Variants in GRHL2 observed in about 807,000 individuals in gnomAD.
GRHL2 encodes grainyhead-like protein 2 homolog.
Under a neutral mutation model 83.8 loss-of-function variants are expected in GRHL2, and 21 were observed. The ratio of observed to expected loss-of-function variants is 0.25; its 90% confidence interval spans 0.18 to 0.36. The LOEUF (loss-of-function observed/expected upper bound fraction) is 0.36, where lower values mean the gene tolerates loss of function less well. GRHL2 is among the 10% of genes least tolerant of loss of function. The probability of loss-of-function intolerance (pLI) is 1.00; values close to 1 mark genes in which losing one functional copy is unlikely to be tolerated. For missense variants in GRHL2, 623 were observed against 781.8 expected (o/e 0.80, Z 2.42); for synonymous variants, 280 against 278.9 (o/e 1.00, Z -0.04).
At chr8:101,556,221 T>C (rs1221855859) in intron 3 of GRHL2, among the ~76,000 whole-genome samples, 2 of 152,150 alleles carry the variant, frequency 1.3e-5, no homozygotes, top group African/African-American at 4.8e-5. Context: ...CCTCCCAAAG[T>C]GCTGGGATTA....
At chr8:101,531,828 G>A (rs1810935545) in intron 1 of GRHL2, among the ~76,000 whole-genome samples, 1 of 152,154 alleles carries the variant, frequency 6.6e-6, no homozygotes, top group South Asian at 2.1e-4. Context: ...GTGGGGGAGA[G>A]AGAGAGAGAG....
At chr8:101,584,815 GTGGTCAGGTGGCTAGC>G (rs1381444865) in intron 7 of GRHL2, among the ~76,000 whole-genome samples, 27 of 151,944 alleles carry the variant, frequency 1.8e-4, no homozygotes, top group Admixed American at 3.3e-4. Context: ...AGGTGGCTAG[GTGGTCAGGTGGCTAGC>G]TGGTCAGGTG....
intron 4 of GRHL2, among the ~76,000 whole-genome samples, chr8:101,567,850 C>T (rs548685236): frequency 1.3e-5 from 2 of 151,508 alleles, no homozygotes; most frequent in Non-Finnish European, 2.9e-5. Flanking sequence ...TATCCTCAGG[C>T]TGCAGAAATC....
At chr8:101,678,056 C>T in the GRHL2 span, among the ~76,000 whole-genome samples, 4 of 152,116 alleles carry the variant, frequency 2.6e-5, no homozygotes, top group African/African-American at 7.2e-5. Context: ...AGCACACTTC[C>T]GGCGAAGACA....
chr8:101,628,064 A>G (rs1429297203), intron 9 of GRHL2, among the ~76,000 whole-genome samples: 1 of 152,302 alleles, frequency 6.6e-6, no homozygotes, highest in East Asian at 1.9e-4. Flanking sequence ...TATGCAGAAG[A>G]TGTAACTAAG....
chr8:101,675,888 C>A, the GRHL2 span, among the ~76,000 whole-genome samples: 1 of 152,094 alleles, frequency 6.6e-6, no homozygotes, highest in Non-Finnish European at 1.5e-5. Context: ...CAGAACAGAG[C>A]CCTCAGAAAT....
chr8:101,556,886 T>G (rs1358523765), intron 3 of GRHL2, among the ~76,000 whole-genome samples: 1 of 152,218 alleles, frequency 6.6e-6, no homozygotes, highest in Non-Finnish European at 1.5e-5. Context: ...GTCCTCCTCC[T>G]GCTTTTTTCT....
At chr8:101,674,222 G>T (rs999480560), downstream of GRHL2, among the ~76,000 whole-genome samples, 1 of 152,030 alleles carries the variant, frequency 6.6e-6, no homozygotes, top group African/African-American at 2.4e-5. Context: ...CAGAACTGAA[G>T]GAAATAGAGA....
the GRHL2 span, among the ~76,000 whole-genome samples, chr8:101,677,030 G>C: frequency 6.6e-6 from 1 of 151,860 alleles, no homozygotes; most frequent in Non-Finnish European, 1.5e-5. Flanking sequence ...ATGGACACAG[G>C]AAGGGGAATA....
chr8:101,566,585 ATAATAT>A (rs1811722372), intron 4 of GRHL2, among the ~76,000 whole-genome samples: 2 of 147,768 alleles, frequency 1.4e-5, no homozygotes, highest in African/African-American at 2.5e-5. Context: ...TATAAATATA[ATAATAT>A]TATTATATAT....
At chr8:101,543,492 G>A in intron 2 of GRHL2, 56 bp downstream of exon 2, 1 of 1,519,076 alleles carries the variant, frequency 6.6e-7, no homozygotes, top group Non-Finnish European at 9.1e-7. Flanking sequence ...ACCCTTTGCT[G>A]GTGGGAAGAA....
chr8:101,581,100 T>C (rs1414467443), intron 7 of GRHL2, among the ~76,000 whole-genome samples: 1 of 152,242 alleles, frequency 6.6e-6, no homozygotes. Flanking sequence ...AGGCCCTGTC[T>C]ACATGGAGAG....
At chr8:101,587,451 T>C (rs1459397195) in intron 7 of GRHL2, among the ~76,000 whole-genome samples, 1 of 152,220 alleles carries the variant, frequency 6.6e-6, no homozygotes, top group Admixed American at 6.5e-5. Flanking sequence ...AAACCACTGA[T>C]AGACCTGCTG....
chr8:101,504,632 G>A (rs567201186), intron 1 of GRHL2, among the ~76,000 whole-genome samples: 1 of 152,024 alleles, frequency 6.6e-6, no homozygotes, highest in Non-Finnish European at 1.5e-5. Flanking sequence ...TTGTAGGCAA[G>A]GTCGGGTTTT....
At chr8:101,672,964 G>C (rs1814233445), downstream of GRHL2, among the ~76,000 whole-genome samples, 3 of 151,514 alleles carry the variant, frequency 2.0e-5, no homozygotes, top group South Asian at 6.3e-4. Flanking sequence ...AGCTTCATAA[G>C]TGAAGGAGAA....
Position 101,545,381 on chromosome 8 carries a change from T to TAACTA in GRHL2, c.216+1947_216+1948insCTAAA, listed in dbSNP as rs1811238533. On this transcript the variant is annotated intron_variant, in intron 2 of 15. Transcript: ENST00000646743. ...TTGGGCTCCAGATGAAAGGATGCTT[T>TAACTA]AAGGCCTAAACTACATTGCATGTAA... is the stretch of plus-strand genomic sequence containing the variant. 3.4e-5 allele frequency among the ~76,000 whole-genome samples: 5 copies of TAACTA among 146,148 alleles called. No homozygotes were observed. The South Asian group carries it at 1.1e-3, about 32-fold the overall frequency.
chr8:101,644,158 C>G lies in GRHL2; in HGVS notation c.1545C>G (p.Phe515Leu). Residue 515 changes from phenylalanine (F) to leucine (L), a missense_variant, in exon 13 of 16, where the codon TTC (phenylalanine) becomes TTG (leucine). Transcript: ENST00000646743. ...GCAGTGTCCTTGTTAAACGGATGTT[C>G]CGGCCCATGGAAGAGGAGTTTGGTC... ...EGGSVLVKRM[F>L]RPMEEEFGPV... 6.2e-7 allele frequency: 1 copy of G among 1,614,154 alleles called. No homozygotes were observed. Among genetic ancestry groups the G allele is most frequent in the Admixed American group, 1.7e-5 (1 of 60,028 alleles).
In GRHL2 at chr8:101,623,254, C is replaced by T. The variant is rs116075967; in HGVS notation, c.1257+3557C>T. Among the ~76,000 whole-genome samples, 635 of 152,362 alleles carry T rather than the reference C, an allele frequency of 4.2e-3. 5 individuals carry two copies. The highest frequency in any genetic ancestry group is 0.014 in the African/African-American group (592 of 41,580). On this transcript the variant is annotated intron_variant, in intron 9 of 15. Transcript: ENST00000646743. ...ATGATTTCAGTTAATGCCAATCTTC[C>T]AGCCATCACAGCAGCACAGCAATCA...
intron 9 of GRHL2, among the ~76,000 whole-genome samples, chr8:101,626,136 TTATCC>T (rs1202426371): frequency 6.6e-6 from 1 of 152,064 alleles, no homozygotes; most frequent in Non-Finnish European, 1.5e-5. Context: ...CCACTTTGAC[TTATCC>T]TGTCAGGCAA....
Sources: allele counts gnomAD v4.1 joint callset (sites outside exome capture counted in the v4.1 genomes callset), GRCh38; gene constraint gnomAD v4.1.1; transcripts MANE v1.5; gene names NCBI Gene and HGNC (gene_info 2026-07-23, HGNC 2026-07-21).